TCF7L2: variants seen among roughly 807,000 people sequenced by gnomAD.
The protein encoded by TCF7L2 is transcription factor 7-like 2.
In TCF7L2, 23 loss-of-function variants were observed where a neutral mutation model predicts 77.9. That is an observed-to-expected ratio of 0.30 (90% CI 0.21 to 0.42). The LOEUF (loss-of-function observed/expected upper bound fraction) is 0.42, where lower values mean the gene tolerates loss of function less well. Ranked by LOEUF, TCF7L2 falls within the 10% of genes least tolerant of loss-of-function variation. The pLI, the probability that TCF7L2 is intolerant of heterozygous loss-of-function variation, is 1.00. For synonymous variants in TCF7L2, 413 were observed against 340.2 expected (o/e 1.21, Z -2.36); for missense variants, 654 against 793.1 (o/e 0.82, Z 2.11).
At position 112,992,368 on chromosome 10, in the gene TCF7L2, C is replaced by A. The variant is rs1157003370; in HGVS notation, c.450+27744C>A. Among the ~76,000 whole-genome samples, 3 of 152,172 alleles carry A rather than the reference C, an allele frequency of 2.0e-5. No homozygotes were observed. The East Asian group carries it at 5.8e-4, about 29-fold the overall frequency. ...CCCCCAGCCCTGGGAGGGATGCATG[C>A]CCTCCGGGAGACACCCAGACCCGAC... is the stretch of plus-strand genomic sequence containing the variant. On this transcript the variant is annotated intron_variant, in intron 4 of 13. Coordinates refer to ENST00000627217, the MANE Select transcript of TCF7L2 (RefSeq NM_001146274.2).
intron 5 of TCF7L2, among the ~76,000 whole-genome samples, chr10:113,112,154 G>C (rs1191388249): frequency 6.6e-6 from 1 of 152,236 alleles, no homozygotes; most frequent in Non-Finnish European, 1.5e-5. Context: ...CTTCTGGAGA[G>C]AGGAGAGAGC....
At chr10:113,156,635 TCC>T (rs2071961612) in intron 11 of TCF7L2, among the ~76,000 whole-genome samples, 1 of 152,032 alleles carries the variant, frequency 6.6e-6, no homozygotes. Flanking sequence ...TCTCCTGAAT[TCC>T]CCCCAGTCCC....
chr10:113,103,727 G>C (rs2061937737), intron 5 of TCF7L2, among the ~76,000 whole-genome samples: 1 of 152,106 alleles, frequency 6.6e-6, no homozygotes, highest in South Asian at 2.1e-4. Flanking sequence ...TGTGCGAGTG[G>C]GTGTGAGTAC....
chr10:112,995,506 G>A (rs1196079250), intron 4 of TCF7L2, among the ~76,000 whole-genome samples: 1 of 152,174 alleles, frequency 6.6e-6, no homozygotes, highest in African/African-American at 2.4e-5. Context: ...GTAACTGGGA[G>A]TGGGAGACCC....
At chr10:113,100,304 C>T (rs780346954) in intron 5 of TCF7L2, among the ~76,000 whole-genome samples, 9 of 152,142 alleles carry the variant, frequency 5.9e-5, no homozygotes, top group Non-Finnish European at 1.2e-4. Flanking sequence ...CTTTAGAAAG[C>T]GGGTGGTGGC....
chr10:113,157,506 G>T (rs2072188098), intron 11 of TCF7L2, among the ~76,000 whole-genome samples: 1 of 152,204 alleles, frequency 6.6e-6, no homozygotes, highest in Admixed American at 6.5e-5. Flanking sequence ...TCTAAGAGAA[G>T]CCTCTGCTAA....
chr10:113,065,997 A>G (rs999088726), intron 5 of TCF7L2, among the ~76,000 whole-genome samples: 1 of 152,228 alleles, frequency 6.6e-6, no homozygotes, highest in Non-Finnish European at 1.5e-5. Context: ...AGAGGAGTCC[A>G]TGATTCAAGG....
At chr10:113,159,444 CT>C in intron 12 of TCF7L2, among the ~76,000 whole-genome samples, 1 of 151,156 alleles carries the variant, frequency 6.6e-6, no homozygotes, top group South Asian at 2.1e-4. Context: ...TAATTTTTTT[CT>C]TTTTTTAAAC....
At chr10:113,015,482 C>T (rs2047186702) in intron 4 of TCF7L2, among the ~76,000 whole-genome samples, 1 of 136,578 alleles carries the variant, frequency 7.3e-6, no homozygotes, top group Non-Finnish European at 1.5e-5. Context: ...TCAGGTTCAG[C>T]TCTGTCGCCC....
intron 5 of TCF7L2, among the ~76,000 whole-genome samples, chr10:113,107,413 T>G (rs2062474030): frequency 6.6e-6 from 1 of 152,090 alleles, no homozygotes; most frequent in Admixed American, 6.5e-5. Flanking sequence ...GGCTGTTGAC[T>G]GATACCCAAG....
intron 4 of TCF7L2, among the ~76,000 whole-genome samples, chr10:113,018,065 A>C (rs760981040): frequency 3.3e-5 from 5 of 152,186 alleles, no homozygotes; most frequent in Admixed American, 2.6e-4. Context: ...TGGGGGAACT[A>C]TGGTCACTAA....
At chr10:113,050,172 A>T (rs1225992972) in intron 5 of TCF7L2, among the ~76,000 whole-genome samples, 1 of 152,176 alleles carries the variant, frequency 6.6e-6, no homozygotes, top group African/African-American at 2.4e-5. Context: ...AATGAGATGG[A>T]GTCACTGTGT....
intron 5 of TCF7L2, among the ~76,000 whole-genome samples, chr10:113,136,966 C>G (rs926005711): frequency 1.4e-4 from 21 of 151,154 alleles, no homozygotes; most frequent in African/African-American, 5.1e-4. Context: ...TATGACAGCT[C>G]TTACTTAAAG....
Position 113,058,767 on chromosome 10 carries a change from G to A in TCF7L2, c.552+18641G>A, listed in dbSNP as rs1037606085. Among the ~76,000 whole-genome samples, 4 of 152,158 alleles carry A rather than the reference G, an allele frequency of 2.6e-5. No individual in the cohort carries two copies. The South Asian group carries it at 8.3e-4, about 32-fold the overall frequency. ...GATGGGCTTGGGCCAGTGGGAAATA[G>A]AGAGACCCGCAAGCACAGAGTGACA... On this transcript the variant is annotated intron_variant, in intron 5 of 13. Transcript: ENST00000627217.
At chr10:113,150,242 G>A (rs2070446729) in intron 8 of TCF7L2, among the ~76,000 whole-genome samples, 1 of 151,710 alleles carries the variant, frequency 6.6e-6, no homozygotes, top group Non-Finnish European at 1.5e-5. Context: ...AGTGATATAG[G>A]AATCCTAAAT....
rs114148383 is a variant in TCF7L2, at chr10:113,087,483, G to A, written c.552+47357G>A. Among the ~76,000 whole-genome samples, 472 of 152,310 alleles carry A rather than the reference G, an allele frequency of 3.1e-3. 2 individuals carry two copies. The highest frequency in any genetic ancestry group is 0.011 in the African/African-American group (462 of 41,564). ...GGCAGTAAGGTGAGTCATTGCTGTG[G>A]CTGGACTGAATAGGATAGCCTTAGC... is the stretch of plus-strand genomic sequence containing the variant. On this transcript the variant is annotated intron_variant, in intron 5 of 13. Transcript: ENST00000627217.
At chr10:113,023,937 C>A (rs936243340) in intron 4 of TCF7L2, among the ~76,000 whole-genome samples, 4 of 151,690 alleles carry the variant, frequency 2.6e-5, no homozygotes, top group Admixed American at 2.0e-4. Flanking sequence ...GGATTACAGG[C>A]GTGAGCCACT....
chr10:113,008,119 A>T (rs748202170), intron 4 of TCF7L2, among the ~76,000 whole-genome samples: 1 of 152,116 alleles, frequency 6.6e-6, no homozygotes, highest in Non-Finnish European at 1.5e-5. Flanking sequence ...CTTTGCAGAC[A>T]CTTTGGTTGT....
At chr10:113,110,368 G>A (rs202169589) in intron 5 of TCF7L2, among the ~76,000 whole-genome samples, 4,004 of 97,278 alleles carry the variant, frequency 0.041, 167 homozygotes, top group African/African-American at 0.12. Flanking sequence ...TGTCTACTGG[G>A]GTTTTTTTTT....
Sources: gnomAD v4.1 joint callset for allele counts (sites outside exome capture counted in the v4.1 genomes callset) on GRCh38, gnomAD v4.1.1 for gene constraint, MANE v1.5 for transcripts, NCBI Gene and HGNC (gene_info 2026-07-23, HGNC 2026-07-21) for gene names.